The following CDHR1 variants were observed in gnomAD, a reference collection of about 807,000 sequenced individuals.
CDHR1 encodes the protein cadherin-related family member 1.
A neutral mutation model predicts 72.1 loss-of-function variants in CDHR1; 61 were observed. That is an observed-to-expected ratio of 0.85 (90% CI 0.69 to 1.05). The LOEUF is 1.05. CDHR1 is among the 50% of genes least tolerant of loss of function. The pLI is 0.00. For missense variants in CDHR1, 1,186 were observed against 1,115.7 expected, an observed-to-expected ratio of 1.06 and a Z score of -0.90; for synonymous variants, 470 against 448.1, an observed-to-expected ratio of 1.05 and a Z score of -0.62.
intron 7 of CDHR1, 59 bp downstream of exon 7, chr10:84,201,979 G>C: frequency 7.4e-7 from 1 of 1,347,832 alleles, no homozygotes; most frequent in Non-Finnish European, 1.0e-6. Context: ...TTGGAACCAA[G>C]TTAGGTTCTA....
Position 84,218,368 on chromosome 10 carries a change from C to G in CDHR1, c.*3747C>G. On this transcript the variant is annotated 3_prime_UTR_variant, in exon 17 of 17. Transcript: ENST00000623527. Reference sequence around the variant, plus strand: ...ATGTTATAAAATCGTGCACATGTACCCCTTTTGAGGCCTGAATGAGGTTCG... The same window carrying G: ...ATGTTATAAAATCGTGCACATGTACGCCTTTTGAGGCCTGAATGAGGTTCG... 1.0e-6 allele frequency: 1 copy of G among 985,364 alleles called. No homozygotes were observed. The highest frequency in any genetic ancestry group is 1.2e-6 in the Non-Finnish European group (1 of 829,920). The allele number at this position is 985,364 out of a possible 1,614,324, so 61.0% of individuals were successfully genotyped here.
At chr10:84,204,997 T>G (rs754128991) in intron 9 of CDHR1, among the ~76,000 whole-genome samples, 9 of 152,228 alleles carry the variant, frequency 5.9e-5, no homozygotes, top group Non-Finnish European at 1.2e-4. Context: ...TCAAATGCAT[T>G]GGTGATATGG....
intron 3 of CDHR1, among the ~76,000 whole-genome samples, chr10:84,197,567 C>T (rs759436939): frequency 1.1e-4 from 17 of 152,120 alleles, no homozygotes; most frequent in Non-Finnish European, 1.6e-4. Flanking sequence ...ATAAGAACCC[C>T]GGACACAAAA....
At chr10:84,198,949 C>T (rs1842075058) in intron 4 of CDHR1, 83 bp from the exon 5 acceptor site, 1 of 975,752 alleles carries the variant, frequency 1.0e-6, no homozygotes, top group Non-Finnish European at 1.6e-6. Context: ...GAGACGTGTA[C>T]ATTGGAGTGA....
intron 12 of CDHR1, among the ~76,000 whole-genome samples, chr10:84,210,516 C>G (rs772676670): frequency 1.7e-4 from 26 of 152,172 alleles, no homozygotes; most frequent in Non-Finnish European, 2.9e-4. Context: ...ATCCACCCGC[C>G]TTGGCCTCCC....
intron 1 of CDHR1, 75 bp from the exon 2 acceptor site, chr10:84,195,419 G>T: frequency 5.1e-6 from 7 of 1,364,754 alleles, no homozygotes; most frequent in Non-Finnish European, 6.2e-6. Context: ...GCGGGACCGC[G>T]CTGGTGCGAA....
intron 6 of CDHR1, 88 bp downstream of exon 6, chr10:84,200,775 G>A (rs941224902): frequency 4.5e-6 from 4 of 882,392 alleles, no homozygotes; most frequent in Non-Finnish European, 7.5e-6. Context: ...AGGCCCTTAG[G>A]TCGGTGCCTC....
chr10:84,208,687 T>C, intron 11 of CDHR1, 42 bp from the exon 12 acceptor site: 1 of 1,591,508 alleles, frequency 6.3e-7, no homozygotes, highest in Non-Finnish European at 8.6e-7. Flanking sequence ...TGAATTTCTA[T>C]CATCATTCAT....
intron 11 of CDHR1, 77 bp from the exon 12 acceptor site, chr10:84,208,652 T>C (rs1264769162): frequency 6.9e-7 from 1 of 1,457,372 alleles, no homozygotes; most frequent in Admixed American, 1.7e-5. Context: ...TAAGGGCACG[T>C]GAAGACTTCT....
rs1842344599 is a variant in CDHR1 at position 84,212,211 on chromosome 10, A to C, written c.1586A>C (p.Tyr529Ser). ...FLIHPSTGLI[Y>S]TQPWASLDAE... is the part of the protein sequence containing the mutation. ...ATCCACCCATCCACTGGGCTTATCTACACCCAGCCCTGGGCTAGCCTGGAC... is the reference window on the plus strand; with the variant it reads ...ATCCACCCATCCACTGGGCTTATCTCCACCCAGCCCTGGGCTAGCCTGGAC... Residue 529 changes from tyrosine to serine, a missense_variant, in exon 15 of 17, where the codon TAC becomes TCC. Tyr to Ser is a moderately radical substitution (Grantham distance 144). Transcript: ENST00000623527. 1 of 1,614,080 alleles carries C rather than the reference A, an allele frequency of 6.2e-7. No individual in the cohort carries two copies. Among genetic ancestry groups the C allele is most frequent in the Non-Finnish European group, 8.5e-7 (1 of 1,180,038 alleles).
chr10:84,198,681 C>T (rs1842069867), intron 4 of CDHR1, among the ~76,000 whole-genome samples: 1 of 152,238 alleles, frequency 6.6e-6, no homozygotes, highest in Admixed American at 6.5e-5. Context: ...TGCGCTGGTG[C>T]AGTGCAGGGG....
rs528516588 is a variant in CDHR1 at position 84,199,079 on chromosome 10, G to A, written c.396G>A (p.Ala132=). 3.0e-5 allele frequency: 46 copies of A among 1,551,404 alleles called. No individual in the cohort carries two copies. Among genetic ancestry groups the A allele is most frequent in the South Asian group, 2.0e-4 (17 of 84,052 alleles). The change falls in exon 5 of 17, where the codon GCG becomes GCA. Residue 132 remains alanine, a synonymous_variant. Coordinates refer to ENST00000623527, the MANE Select transcript of CDHR1 (RefSeq NM_033100.4). ...VILVTDANDE[A]PRFIQEPYVA... ...TGGTGACCGATGCCAATGATGAGGC[G>A]CCCAGGTTCATCCAGGAGCCTTATG... is the stretch of plus-strand genomic sequence containing the variant.
At chr10:84,203,292 G>T (rs992901782) in intron 8 of CDHR1, among the ~76,000 whole-genome samples, 169 bp downstream of exon 8, 11 of 152,316 alleles carry the variant, frequency 7.2e-5, no homozygotes, top group African/African-American at 2.6e-4. Flanking sequence ...TGGCCCTTTT[G>T]CCCCCAACTA....
At chr10:84,211,195 T>A in intron 13 of CDHR1, 30 bp downstream of exon 13, 1 of 1,612,742 alleles carries the variant, frequency 6.2e-7, no homozygotes, top group Non-Finnish European at 8.5e-7. Context: ...AGGGACTGGG[T>A]GGGATAGGAG....
intron 9 of CDHR1, among the ~76,000 whole-genome samples, chr10:84,205,533 C>CACAT (rs1453854113): frequency 6.6e-6 from 1 of 151,450 alleles, no homozygotes; most frequent in African/African-American, 2.4e-5. Context: ...CACACACACA[C>CACAT]ACACACACAC....
intron 7 of CDHR1, among the ~76,000 whole-genome samples, chr10:84,202,526 G>A (rs1267864799): frequency 6.6e-6 from 1 of 152,216 alleles, no homozygotes; most frequent in Non-Finnish European, 1.5e-5. Context: ...GTACCAGGAG[G>A]CCCGAGTCAG....
chr10:84,195,615 G>A, intron 2 of CDHR1, 26 bp downstream of exon 2: 2 of 1,587,138 alleles, frequency 1.3e-6, no homozygotes, highest in Admixed American at 1.7e-5. Context: ...ACCTGCTCCC[G>A]ATAGGTCTCC....
Position 84,215,459 on chromosome 10 carries a change from G to T in CDHR1, c.*838G>T, listed in dbSNP as rs886047336. On this transcript the variant is annotated 3_prime_UTR_variant, in exon 17 of 17. Transcript: ENST00000623527. ...GCCATCCTTGAAGAGACAATTCAGG[G>T]CAGTTGATGAATATCAGGGCTGAGA... 5.4e-5 allele frequency: 53 copies of T among 985,142 alleles called. No homozygotes were observed. In the African/African-American group the frequency reaches 9.2e-4, roughly 17 times the overall value. The allele number at this position is 985,142 out of a possible 1,614,324, so 61.0% of individuals were successfully genotyped here.
chr10:84,196,667 G>A lies in CDHR1; in HGVS notation c.297+17G>A. ...GACAGAGAGGTATGGGGAGGTGTGG[G>A]GAGTGCTGCGGGGCCACTGCCTGTA... On this transcript the variant is annotated intron_variant, in intron 3 of 16. Coordinates refer to ENST00000623527, the MANE Select transcript of CDHR1 (RefSeq NM_033100.4). The A allele has an allele frequency of 1.2e-6, 2 of 1,614,090 alleles. No individual in the cohort carries two copies. The highest frequency in any genetic ancestry group is 1.3e-5 in the African/African-American group (1 of 75,030).
Sources: gnomAD v4.1 joint callset for allele counts (sites outside exome capture counted in the v4.1 genomes callset) on GRCh38, gnomAD v4.1.1 for gene constraint, MANE v1.5 for transcripts, NCBI Gene and HGNC (gene_info 2026-07-23, HGNC 2026-07-21) for gene names.